OPN5: variants seen among roughly 807,000 people sequenced by gnomAD.
The protein encoded by OPN5 is opsin-5.
OPN5 carries 18 observed loss-of-function variants against 41.7 expected under a neutral mutation model. The observed-to-expected ratio is 0.43, with a 90% confidence interval of 0.30 to 0.64. The LOEUF is 0.64. Ranked by LOEUF, OPN5 falls within the 30% of genes least tolerant of loss-of-function variation. The pLI is 0.13. For synonymous variants in OPN5, 178 were observed against 164.3 expected (o/e 1.08, Z -0.64); for missense variants, 318 against 434.5 (o/e 0.73, Z 2.38).
chr6:47,812,662 TTTC>T (rs574947925), intron 6 of OPN5, among the ~76,000 whole-genome samples: 66 of 152,266 alleles, frequency 4.3e-4, no homozygotes, highest in Non-Finnish European at 7.6e-4. Flanking sequence ...TCTATTATCT[TTTC>T]TCCTAATCTG....
chr6:47,803,126 G>A (rs1773838644), intron 4 of OPN5, among the ~76,000 whole-genome samples: 1 of 152,092 alleles, frequency 6.6e-6, no homozygotes, highest in African/African-American at 2.4e-5. Context: ...ATAGAAGGAA[G>A]GAAGAAATTC....
At position 47,811,668 on chromosome 6, in the gene OPN5, A is replaced by G; in HGVS notation, c.999-6A>G. On this transcript the variant is annotated splice_region_variant and splice_polypyrimidine_tract_variant and intron_variant, in intron 5 of 6. Coordinates refer to ENST00000371211, the Ensembl canonical transcript of OPN5. Reference sequence around the variant, plus strand: ...TTAAATTGCATTTTTCTTCTCCTATATCTAGGCTGCACACCGTAACCACAG... The same window carrying G: ...TTAAATTGCATTTTTCTTCTCCTATGTCTAGGCTGCACACCGTAACCACAG... 6.2e-7 allele frequency: 1 copy of G among 1,608,870 alleles called. No individual in the cohort carries two copies. Among genetic ancestry groups the G allele is most frequent in the Non-Finnish European group, 8.5e-7 (1 of 1,175,792 alleles).
chr6:47,810,796 C>G (rs1007933350), intron 5 of OPN5, among the ~76,000 whole-genome samples: 4 of 152,148 alleles, frequency 2.6e-5, no homozygotes. Context: ...GAATGTTATT[C>G]TTTCCTACAC....
At chr6:47,824,036 C>T (rs370044373) in exon 7 of OPN5, 53 of 1,488,766 alleles carry the variant, frequency 3.6e-5, no homozygotes, top group African/African-American at 8.4e-5. Flanking sequence ...GCTTACACGG[C>T]GTCTGGCATA....
intron 3 of OPN5, among the ~76,000 whole-genome samples, chr6:47,792,488 A>G (rs938016000): frequency 1.3e-5 from 2 of 152,220 alleles, no homozygotes; most frequent in Admixed American, 1.3e-4. Context: ...ATCACTCAAC[A>G]TATTTTTTTT....
intron 6 of OPN5, among the ~76,000 whole-genome samples, chr6:47,818,945 G>A (rs1445970738): frequency 6.6e-6 from 1 of 152,078 alleles, no homozygotes; most frequent in Admixed American, 6.6e-5. Context: ...AGAATTTCCT[G>A]TCTCATTCTG....
intron 6 of OPN5, among the ~76,000 whole-genome samples, chr6:47,815,492 G>A (rs1283478715): frequency 6.6e-6 from 1 of 152,134 alleles, no homozygotes; most frequent in African/African-American, 2.4e-5. Flanking sequence ...CTTAAAGACT[G>A]CCAAAACATC....
At chr6:47,811,539 G>C in intron 5 of OPN5, 135 bp from the exon 6 acceptor site, 3 of 438,128 alleles carry the variant, frequency 6.8e-6, no homozygotes, top group Non-Finnish European at 1.2e-5. Flanking sequence ...TTTTCTGTCT[G>C]TTGCTAATTC....
At chr6:47,791,598 A>C (rs927404612) in intron 2 of OPN5, among the ~76,000 whole-genome samples, 1 of 152,094 alleles carries the variant, frequency 6.6e-6, no homozygotes, top group Non-Finnish European at 1.5e-5. Context: ...GATGACTGAA[A>C]GTCCTCTCTG....
At chr6:47,808,868 C>A (rs1248080562) in intron 5 of OPN5, among the ~76,000 whole-genome samples, 2 of 152,098 alleles carry the variant, frequency 1.3e-5, no homozygotes, top group Admixed American at 1.3e-4. Context: ...TGCCAGATTT[C>A]TTTTATTTTA....
At chr6:47,793,238 T>A (rs549762942) in intron 3 of OPN5, among the ~76,000 whole-genome samples, 2 of 152,310 alleles carry the variant, frequency 1.3e-5, no homozygotes, top group Admixed American at 6.5e-5. Flanking sequence ...TACTAAACCC[T>A]GATACCTCTG....
intron 5 of OPN5, 33 bp downstream of exon 5, chr6:47,808,428 T>G: frequency 6.2e-7 from 1 of 1,611,022 alleles, no homozygotes; most frequent in South Asian, 1.1e-5. Flanking sequence ...TGAATTACAC[T>G]CTCTTTGTTT....
chr6:47,818,693 C>T (rs1369602427), intron 6 of OPN5, among the ~76,000 whole-genome samples: 2 of 152,186 alleles, frequency 1.3e-5, no homozygotes, highest in African/African-American at 4.8e-5. Flanking sequence ...GATGACCCTA[C>T]CCACCTATTT....
At chr6:47,795,167 G>A (rs576790124) in intron 3 of OPN5, 62 bp from the exon 4 acceptor site, 11 of 1,213,820 alleles carry the variant, frequency 9.1e-6, no homozygotes, top group South Asian at 1.5e-5. Context: ...TTGACATATC[G>A]AGGGGAGGTA....
At chr6:47,811,882 A>G in intron 6 of OPN5, 151 bp downstream of exon 6, 1 of 479,574 alleles carries the variant, frequency 2.1e-6, no homozygotes. Flanking sequence ...GTTGCTGGGA[A>G]ATTCCAATGG....
At chr6:47,786,134 G>T (rs1773183270) in intron 1 of OPN5, among the ~76,000 whole-genome samples, 1 of 152,184 alleles carries the variant, frequency 6.6e-6, no homozygotes, top group African/African-American at 2.4e-5. Context: ...CAAGAGCTAA[G>T]GGTTTAACCC....
At chr6:47,818,845 C>A (rs1762509139) in intron 6 of OPN5, among the ~76,000 whole-genome samples, 1 of 152,064 alleles carries the variant, frequency 6.6e-6, no homozygotes, top group African/African-American at 2.4e-5. Flanking sequence ...AGGGTTAGAG[C>A]AACTGGAGTG....
At chr6:47,809,943 G>T (rs996419265) in intron 5 of OPN5, among the ~76,000 whole-genome samples, 3 of 152,172 alleles carry the variant, frequency 2.0e-5, no homozygotes, top group Non-Finnish European at 2.9e-5. Context: ...AATTTCACGT[G>T]CCTCGTAATT....
exon 5 of OPN5, chr6:47,808,364 G>C: frequency 6.2e-7 from 1 of 1,614,036 alleles, no homozygotes; most frequent in Non-Finnish European, 8.5e-7. Context: ...TGGTTTGAAA[G>C]CAACCAAGAA....
Sources: allele counts gnomAD v4.1 joint callset (sites outside exome capture counted in the v4.1 genomes callset), GRCh38; gene constraint gnomAD v4.1.1; transcripts MANE v1.5; gene names NCBI Gene and HGNC (gene_info 2026-07-23, HGNC 2026-07-21).